Variants in NRG3 observed in about 807,000 individuals in gnomAD.
NRG3 encodes the protein neuregulin 3.
In NRG3, 31 loss-of-function variants were observed where a neutral mutation model predicts 66.9. The observed-to-expected ratio is 0.46, with a 90% CI of 0.35 to 0.63. The LOEUF is 0.63. Ranked by LOEUF, NRG3 falls within the 20% of genes least tolerant of loss-of-function variation. The probability of loss-of-function intolerance (pLI) is 0.00; values close to 1 mark genes in which losing one functional copy is unlikely to be tolerated. For missense variants in NRG3, 910 were observed against 878.9 expected, an observed-to-expected ratio of 1.04 and a Z score of -0.45; for synonymous variants, 393 against 359.4, an observed-to-expected ratio of 1.09 and a Z score of -1.06.
At chr10:82,823,017 C>T (rs1474883373) in intron 3 of NRG3, among the ~76,000 whole-genome samples, 2 of 152,160 alleles carry the variant, frequency 1.3e-5, no homozygotes, top group South Asian at 2.1e-4. Flanking sequence ...GTGCTAGCCT[C>T]ATTGTTATTC....
intron 5 of NRG3, among the ~76,000 whole-genome samples, chr10:82,952,471 C>CTCTCTCTGTG (rs1454945180): frequency 1.0e-5 from 1 of 98,788 alleles, no homozygotes; most frequent in African/African-American, 4.2e-5. Context: ...CTCTCTCTCT[C>CTCTCTCTGTG]TGTGTGTGTG....
chr10:82,447,644 G>T (rs1400253684), intron 2 of NRG3, among the ~76,000 whole-genome samples: 1 of 152,190 alleles, frequency 6.6e-6, no homozygotes, highest in Non-Finnish European at 1.5e-5. Flanking sequence ...TAGGGAATTT[G>T]CCTCATTGTT....
At chr10:82,412,326 A>C (rs1452465374) in intron 2 of NRG3, among the ~76,000 whole-genome samples, 1 of 152,192 alleles carries the variant, frequency 6.6e-6, no homozygotes, top group African/African-American at 2.4e-5. Flanking sequence ...CAATAAAGCA[A>C]GTGACTAGAA....
At chr10:82,729,212 T>G (rs2057767476) in intron 2 of NRG3, among the ~76,000 whole-genome samples, 1 of 152,202 alleles carries the variant, frequency 6.6e-6, no homozygotes, top group Non-Finnish European at 1.5e-5. Context: ...TTTTTCACAA[T>G]AGATCTTTTG....
At chr10:82,437,322 C>T (rs1292839807) in intron 2 of NRG3, among the ~76,000 whole-genome samples, 1 of 151,414 alleles carries the variant, frequency 6.6e-6, no homozygotes, top group Non-Finnish European at 1.5e-5. Flanking sequence ...TCTGCTTGGT[C>T]GATTTGGCTG....
At chr10:82,603,820 TTTCTC>T (rs1231104841) in intron 2 of NRG3, among the ~76,000 whole-genome samples, 16 of 152,204 alleles carry the variant, frequency 1.1e-4, no homozygotes, top group African/African-American at 3.6e-4. Context: ...AAACTTGTCT[TTTCTC>T]TATACACATG....
intron 4 of NRG3, among the ~76,000 whole-genome samples, chr10:82,910,613 G>A (rs1017515243): frequency 2.0e-5 from 3 of 152,254 alleles, no homozygotes; most frequent in Admixed American, 2.0e-4. Context: ...TGAACTGGAT[G>A]AGGACTAGAA....
At chr10:82,049,730 T>A (rs779651267) in intron 1 of NRG3, among the ~76,000 whole-genome samples, 11 of 151,984 alleles carry the variant, frequency 7.2e-5, no homozygotes, top group Non-Finnish European at 1.3e-4. Flanking sequence ...TCCAATTGGA[T>A]GCTGGTCAAA....
chr10:82,309,646 G>A (rs7903018), intron 1 of NRG3, among the ~76,000 whole-genome samples: 72,636 of 151,872 alleles, frequency 0.48, 20,880 homozygotes, highest in African/African-American at 0.81. Flanking sequence ...GAAATCATCT[G>A]TATTGCAGGT....
chr10:82,941,533 T>C (rs535692365), intron 4 of NRG3, among the ~76,000 whole-genome samples: 3 of 152,310 alleles, frequency 2.0e-5, no homozygotes, highest in Non-Finnish European at 4.4e-5. Flanking sequence ...AAAATAAAAT[T>C]CAGGAGACCT....
At chr10:82,331,010 T>C (rs1355086902) in intron 1 of NRG3, among the ~76,000 whole-genome samples, 1 of 152,182 alleles carries the variant, frequency 6.6e-6, no homozygotes, top group Non-Finnish European at 1.5e-5. Flanking sequence ...TCTGCAATGA[T>C]TGGACTTTTA....
intron 2 of NRG3, among the ~76,000 whole-genome samples, chr10:82,564,684 T>G (rs962386850): frequency 6.6e-6 from 1 of 152,088 alleles, no homozygotes; most frequent in East Asian, 1.9e-4. Context: ...ACAAAGTGCC[T>G]ATTTTACACA....
At chr10:81,923,894 G>A (rs1350497885) in intron 1 of NRG3, among the ~76,000 whole-genome samples, 1 of 152,184 alleles carries the variant, frequency 6.6e-6, no homozygotes, top group Non-Finnish European at 1.5e-5. Context: ...GGTGGCATGG[G>A]GAGAATATTT....
Position 82,642,389 on chromosome 10 carries a change from G to T in NRG3, c.954-96188G>T, listed in dbSNP as rs142739342. ...ACCAAGACATTGATTATTAACAGCT[G>T]TTAACATCAATAAAACAGAGTACAA... On this transcript the variant is annotated intron_variant, in intron 2 of 8. Coordinates refer to ENST00000372141, the MANE Select transcript of NRG3 (RefSeq NM_001010848.4). Among the ~76,000 whole-genome samples, 26 of 151,954 alleles carry T rather than the reference G, an allele frequency of 1.7e-4. No homozygotes were observed. In the East Asian group the frequency reaches 5.0e-3, roughly 29 times the overall value.
intron 6 of NRG3, among the ~76,000 whole-genome samples, chr10:82,967,762 C>G (rs12413878): frequency 0.38 from 57,880 of 152,004 alleles, 11,869 homozygotes; most frequent in Middle Eastern, 0.48. Context: ...AGTTACTTTT[C>G]CCCTTCCACT....
At chr10:82,618,863 C>T (rs1417831635) in intron 2 of NRG3, among the ~76,000 whole-genome samples, 3 of 151,264 alleles carry the variant, frequency 2.0e-5, no homozygotes, top group African/African-American at 4.9e-5. Context: ...TTTTTATGGA[C>T]GTGTTTAAAG....
chr10:82,922,302 C>T (rs1846509391), intron 4 of NRG3, among the ~76,000 whole-genome samples: 1 of 152,138 alleles, frequency 6.6e-6, no homozygotes, highest in South Asian at 2.1e-4. Flanking sequence ...TTAAGTTTTA[C>T]TTCCTATTTC....
chr10:82,909,476 T>C (rs1268087817), intron 4 of NRG3, among the ~76,000 whole-genome samples: 1 of 151,906 alleles, frequency 6.6e-6, no homozygotes, highest in Admixed American at 6.6e-5. Flanking sequence ...CAAGCACACC[T>C]CTCATAGTTT....
intron 3 of NRG3, among the ~76,000 whole-genome samples, chr10:82,840,032 T>A (rs1175665247): frequency 6.6e-6 from 1 of 152,206 alleles, no homozygotes; most frequent in Non-Finnish European, 1.5e-5. Flanking sequence ...ATAACATATA[T>A]ACTTATTTGT....
Sources: gnomAD v4.1 joint callset for allele counts (sites outside exome capture counted in the v4.1 genomes callset) on GRCh38, gnomAD v4.1.1 for gene constraint, MANE v1.5 for transcripts, NCBI Gene and HGNC (gene_info 2026-07-23, HGNC 2026-07-21) for gene names.